PCDHA8: variants seen among roughly 807,000 people sequenced by gnomAD.
PCDHA8 encodes the protein protocadherin alpha-8.
Under a neutral mutation model 61.8 loss-of-function variants are expected in PCDHA8, and 53 were observed. The ratio of observed to expected loss-of-function variants is 0.86; its 90% CI spans 0.69 to 1.08. The LOEUF is 1.08. Ranked by LOEUF, PCDHA8 falls within the 50% of genes least tolerant of loss-of-function variation. The pLI is 0.00. For missense variants in PCDHA8, 1,293 were observed against 1,245.0 expected, an observed-to-expected ratio of 1.04 and a Z score of -0.58; for synonymous variants, 618 against 556.6, an observed-to-expected ratio of 1.11 and a Z score of -1.55.
chr5:140,898,153 G>C (rs1379342887), intron 1 of PCDHA8, among the ~76,000 whole-genome samples: 3 of 152,182 alleles, frequency 2.0e-5, no homozygotes, highest in South Asian at 2.1e-4. Context: ...TGTTCACGCT[G>C]ATGGTGGTTT....
chr5:140,882,169 C>A, intron 1 of PCDHA8: 1 of 1,511,484 alleles, frequency 6.6e-7, no homozygotes, highest in Non-Finnish European at 8.8e-7. Flanking sequence ...TCTTGCGAAT[C>A]CTTCCGCACT....
At chr5:140,948,013 A>G (rs1214834981) in intron 1 of PCDHA8, among the ~76,000 whole-genome samples, 7 of 89,982 alleles carry the variant, frequency 7.8e-5, no homozygotes, top group Admixed American at 5.3e-4. Context: ...TTTAGGAAGT[A>G]CCCTTTCTGG....
intron 1 of PCDHA8, among the ~76,000 whole-genome samples, chr5:140,971,325 T>C (rs1273585971): frequency 3.9e-5 from 6 of 152,190 alleles, no homozygotes; most frequent in African/African-American, 1.4e-4. Context: ...AGGGAGAAAA[T>C]TATTTCAGAA....
rs78358581 is a variant in PCDHA8 at position 140,924,264 on chromosome 5, T to G, written c.2395-54685T>G. 2.9e-3 allele frequency among the ~76,000 whole-genome samples: 442 copies of G among 152,342 alleles called. 1 individual carries two copies. Among genetic ancestry groups the G allele is most frequent in the African/African-American group, 0.01 (423 of 41,584 alleles). On this transcript the variant is annotated intron_variant, in intron 1 of 3. Coordinates refer to ENST00000531613, the MANE Select transcript of PCDHA8 (RefSeq NM_018911.3). Reference sequence around the variant, plus strand: ...TGCATCCTGGTGAGATCTAATGAGGTCTGTACTTGTGACTACCTAATAGGC... The same window carrying G: ...TGCATCCTGGTGAGATCTAATGAGGGCTGTACTTGTGACTACCTAATAGGC...
intron 1 of PCDHA8, among the ~76,000 whole-genome samples, chr5:140,915,139 G>C (rs2153533338): frequency 6.6e-6 from 1 of 151,944 alleles, no homozygotes; most frequent in Non-Finnish European, 1.5e-5. Flanking sequence ...AGTAGAGACG[G>C]GGTTTCACCA....
chr5:140,853,953 C>A, intron 1 of PCDHA8: 1 of 757,816 alleles, frequency 1.3e-6, no homozygotes, highest in Non-Finnish European at 1.6e-6. Flanking sequence ...AGGGTCCCTT[C>A]CTTGAGCCCA....
rs1237134609 is a variant in PCDHA8 at position 141,011,353 on chromosome 5, A to T, written c.*1416A>T. 6.5e-6 allele frequency: 1 copy of T among 153,692 alleles called. No homozygotes were observed. The highest frequency in any genetic ancestry group is 1.5e-5 in the Non-Finnish European group (1 of 68,032). The allele number at this position is 153,692 out of a possible 1,614,324, so 9.5% of individuals were successfully genotyped here. On this transcript the variant is annotated 3_prime_UTR_variant, in exon 4 of 4. Coordinates refer to ENST00000531613, the MANE Select transcript of PCDHA8 (RefSeq NM_018911.3). ...ATGTTACCTGAAATCAATCTCCCAT[A>T]TGTATGCTGTATGCTATGCTAAGAC...
At position 140,842,837 on chromosome 5, in the gene PCDHA8, A is replaced by G; in HGVS notation, c.1516A>G (p.Ser506Gly). 1 of 1,593,660 alleles carries G rather than the reference A, an allele frequency of 6.3e-7. No individual in the cohort carries two copies. The highest frequency in any genetic ancestry group is 1.1e-5 in the South Asian group (1 of 90,412). ...ERRVGERSLS[S>G]YISVHTESGK... ...GCGGGTGGGCGAGCGCTCGCTGTCG[A>G]GCTACATTTCGGTGCACACGGAGAG... The change falls in exon 1 of 4, where the codon AGC (serine) becomes GGC (glycine). Residue 506 changes from serine to glycine, a missense_variant. Ser to Gly is a moderately conservative substitution (Grantham distance 56). Transcript: ENST00000531613.
chr5:140,933,503 AAAGACT>A (rs2089194435), intron 1 of PCDHA8, among the ~76,000 whole-genome samples: 1 of 152,098 alleles, frequency 6.6e-6, no homozygotes, highest in Non-Finnish European at 1.5e-5. Flanking sequence ...ATTGTTAAGC[AAAGACT>A]ACAGCTGTTT....
chr5:140,963,109 T>G (rs1490746394), intron 1 of PCDHA8, among the ~76,000 whole-genome samples: 1 of 152,128 alleles, frequency 6.6e-6, no homozygotes, highest in Non-Finnish European at 1.5e-5. Context: ...TCAGGTTGCT[T>G]ATAATTAAAG....
chr5:140,886,492 C>A (rs2060999452), intron 1 of PCDHA8, among the ~76,000 whole-genome samples: 1 of 152,036 alleles, frequency 6.6e-6, no homozygotes, highest in Non-Finnish European at 1.5e-5. Flanking sequence ...TAAAATATAT[C>A]TTTTTCCTTT....
intron 1 of PCDHA8, among the ~76,000 whole-genome samples, chr5:140,909,299 T>G (rs561949225): frequency 6.6e-6 from 1 of 152,320 alleles, no homozygotes; most frequent in Non-Finnish European, 1.5e-5. Flanking sequence ...TGGACAGGAA[T>G]GGAGAAAAAG....
At position 140,841,570 on chromosome 5, in the gene PCDHA8, T is replaced by G; in HGVS notation, c.249T>G (p.Ile83Met). The G allele has an allele frequency of 1.2e-6, 2 of 1,613,936 alleles. No homozygotes were observed. The highest frequency in any genetic ancestry group is 8.5e-7 in the Non-Finnish European group (1 of 1,179,984). Residue 83 changes from isoleucine (I) to methionine (M), a missense_variant, in exon 1 of 4, where the codon ATT becomes ATG. Ile to Met is a conservative substitution (Grantham distance 10). Coordinates refer to ENST00000531613, the MANE Select transcript of PCDHA8 (RefSeq NM_018911.3). ...DLLEVSLQNG[I>M]LFVNSRIDRE... ...TGGAGGTAAGTCTGCAGAATGGCAT[T>G]TTGTTTGTGAATTCTCGGATCGACC... is the stretch of plus-strand genomic sequence containing the variant.
chr5:140,884,554 G>A (rs1554181727), intron 1 of PCDHA8: 10 of 1,614,160 alleles, frequency 6.2e-6, no homozygotes, highest in Non-Finnish European at 6.8e-6. Context: ...GCTCTGGGGA[G>A]GGCCCGCATA....
At chr5:140,912,914 T>C (rs141956430) in intron 1 of PCDHA8, among the ~76,000 whole-genome samples, 326 of 152,372 alleles carry the variant, frequency 2.1e-3, no homozygotes, top group African/African-American at 7.4e-3. Context: ...ATTGATTGAT[T>C]TGTGTATGTT....
At chr5:140,884,410 G>A (rs1562804321) in intron 1 of PCDHA8, 1 of 1,614,004 alleles carries the variant, frequency 6.2e-7, no homozygotes, top group Non-Finnish European at 8.5e-7. Context: ...TGGTGCTCAC[G>A]TTGCTGCTGT....
chr5:140,851,549 T>A (rs2042091129), intron 1 of PCDHA8: 1 of 908,826 alleles, frequency 1.1e-6, no homozygotes, highest in African/African-American at 1.8e-5. Flanking sequence ...ATTCAAGAAA[T>A]GTTGACTGAA....
intron 1 of PCDHA8, chr5:140,870,875 C>A (rs1235290760): frequency 6.2e-7 from 1 of 1,613,912 alleles, no homozygotes; most frequent in Non-Finnish European, 8.5e-7. Flanking sequence ...CACGTGGTGG[C>A]GAAGGTGCGC....
intron 1 of PCDHA8, among the ~76,000 whole-genome samples, chr5:140,925,821 T>C (rs1381036851): frequency 1.3e-5 from 2 of 152,136 alleles, no homozygotes; most frequent in African/African-American, 4.8e-5. Context: ...CACGTCTTCT[T>C]TGGGGACGGG....
Sources: allele counts gnomAD v4.1 joint callset (sites outside exome capture counted in the v4.1 genomes callset), GRCh38; gene constraint gnomAD v4.1.1; transcripts MANE v1.5; gene names NCBI Gene and HGNC (gene_info 2026-07-23, HGNC 2026-07-21).